The following KAZN variants were observed in gnomAD, a reference collection of about 807,000 sequenced individuals.
KAZN encodes kazrin, periplakin interacting protein.
In KAZN, 40 loss-of-function variants were observed where a neutral mutation model predicts 87.4. The observed-to-expected ratio is 0.46, with a 90% CI of 0.36 to 0.60. The LOEUF (loss-of-function observed/expected upper bound fraction) is 0.60. KAZN is among the 20% of genes least tolerant of loss of function. KAZN has a pLI of 0.00. For synonymous variants in KAZN, 466 were observed against 458.3 expected (o/e 1.02, Z -0.22); for missense variants, 898 against 1,073.9 (o/e 0.84, Z 2.29).
At chr1:14,975,283 C>T (rs1040572856) in intron 2 of KAZN, among the ~76,000 whole-genome samples, 4 of 152,312 alleles carry the variant, frequency 2.6e-5, no homozygotes, top group East Asian at 3.9e-4. Context: ...CTTGAGCTCC[C>T]GCCCAACTTT....
intron 2 of KAZN, among the ~76,000 whole-genome samples, chr1:14,364,777 T>C (rs1237054918): frequency 6.6e-6 from 1 of 152,188 alleles, no homozygotes; most frequent in Non-Finnish European, 1.5e-5. Context: ...TAGGGAAGAA[T>C]TGTTCCTTGT....
intron 2 of KAZN, among the ~76,000 whole-genome samples, chr1:14,447,183 C>G (rs1292018079): frequency 6.7e-6 from 1 of 149,964 alleles, no homozygotes; most frequent in East Asian, 1.9e-4. Context: ...TTCTAGTTCT[C>G]CCTTGGAACA....
chr1:14,837,861 C>A (rs986826492), intron 1 of KAZN, among the ~76,000 whole-genome samples: 1 of 152,112 alleles, frequency 6.6e-6, no homozygotes, highest in East Asian at 1.9e-4. Flanking sequence ...GGCTCATATT[C>A]TTTTGTGTGA....
At chr1:13,993,651 G>A (rs1570473953) in intron 1 of KAZN, among the ~76,000 whole-genome samples, 2 of 152,308 alleles carry the variant, frequency 1.3e-5, no homozygotes, top group East Asian at 3.9e-4. Context: ...CCTTCGTGGA[G>A]CTTTCCCTCT....
intron 1 of KAZN, among the ~76,000 whole-genome samples, chr1:13,972,352 C>T (rs74637018): frequency 0.013 from 2,018 of 149,756 alleles, 97 homozygotes; most frequent in Admixed American, 0.088. Context: ...TGGCTCATTG[C>T]AAGCTCTGCC....
intron 8 of KAZN, among the ~76,000 whole-genome samples, chr1:15,087,790 T>A (rs990418460): frequency 6.6e-6 from 1 of 152,228 alleles, no homozygotes; most frequent in South Asian, 2.1e-4. Flanking sequence ...GTAAGTGACA[T>A]GGGCCCGCAG....
At chr1:14,175,534 G>C (rs1646054566) in intron 1 of KAZN, among the ~76,000 whole-genome samples, 1 of 152,192 alleles carries the variant, frequency 6.6e-6, no homozygotes, top group Non-Finnish European at 1.5e-5. Flanking sequence ...GAAACTTAGG[G>C]CATGTTTTGG....
chr1:15,066,604 A>G lies in KAZN; in HGVS notation c.1222+851A>G, dbSNP rs769131741. The G allele has an allele frequency of 1.0e-6, 1 of 983,570 alleles. No homozygotes were observed. The highest frequency in any genetic ancestry group is 1.2e-6 in the Non-Finnish European group (1 of 828,192). The allele number at this position is 983,570 out of a possible 1,614,324, so 60.9% of individuals were successfully genotyped here. ...AAATTGTTTCATTTAATTTATTTGCACAAATGCTGAAAACTTATTCTATCT... is the reference window on the plus strand; with the variant it reads ...AAATTGTTTCATTTAATTTATTTGCGCAAATGCTGAAAACTTATTCTATCT... On this transcript the variant is annotated intron_variant, in intron 8 of 14. Transcript: ENST00000376030. This position sits in a 1 kb window ranked among gnomAD's most constrained non-coding sequence, Gnocchi z 4.3.
At chr1:14,241,130 A>C (rs1245366629) in intron 2 of KAZN, among the ~76,000 whole-genome samples, 2 of 152,218 alleles carry the variant, frequency 1.3e-5, no homozygotes, top group Non-Finnish European at 2.9e-5. Context: ...GGGTGAAACC[A>C]CACCTTTCTT....
intron 2 of KAZN, among the ~76,000 whole-genome samples, chr1:14,258,232 T>TC (rs1650716395): frequency 6.7e-6 from 1 of 149,724 alleles, no homozygotes; most frequent in South Asian, 2.1e-4. Flanking sequence ...TTTTTTTTTT[T>TC]TGAGACAGAG....
intron 1 of KAZN, among the ~76,000 whole-genome samples, chr1:14,610,679 G>T (rs973577685): frequency 1.3e-5 from 2 of 151,742 alleles, no homozygotes; most frequent in African/African-American, 4.8e-5. Flanking sequence ...CCCCTGTGGA[G>T]AATTTTTTTT....
chr1:14,167,114 A>G (rs994299592), intron 1 of KAZN, among the ~76,000 whole-genome samples: 9 of 152,392 alleles, frequency 5.9e-5, no homozygotes, highest in African/African-American at 1.9e-4. Flanking sequence ...TAACTGGGTT[A>G]GAGCCCATCT....
chr1:14,292,419 A>G (rs543144984), intron 2 of KAZN, among the ~76,000 whole-genome samples: 1 of 152,284 alleles, frequency 6.6e-6, no homozygotes, highest in South Asian at 2.1e-4. Flanking sequence ...GGACCCTTCC[A>G]AGGCTTTGGT....
chr1:14,747,432 A>G (rs910026268), intron 1 of KAZN, among the ~76,000 whole-genome samples: 4 of 152,070 alleles, frequency 2.6e-5, no homozygotes, highest in African/African-American at 9.7e-5. Context: ...ATGCACCACC[A>G]TGCCTGCCTA....
chr1:15,016,171 C>T (rs1254869513), intron 2 of KAZN, among the ~76,000 whole-genome samples: 1 of 152,186 alleles, frequency 6.6e-6, no homozygotes, highest in Non-Finnish European at 1.5e-5. Flanking sequence ...GACACATCTA[C>T]AGGCCGACGG....
chr1:14,178,469 A>G (rs1557540267), intron 1 of KAZN, among the ~76,000 whole-genome samples: 1 of 152,182 alleles, frequency 6.6e-6, no homozygotes, highest in Non-Finnish European at 1.5e-5. Context: ...TCTGCTATTA[A>G]TCTCATCCAA....
intron 2 of KAZN, among the ~76,000 whole-genome samples, chr1:14,224,510 A>G (rs1647196338): frequency 6.6e-6 from 1 of 152,216 alleles, no homozygotes; most frequent in Non-Finnish European, 1.5e-5. Flanking sequence ...CAGATGCCAG[A>G]GAAAACTTCA....
intron 2 of KAZN, among the ~76,000 whole-genome samples, chr1:14,336,554 T>C (rs1229206394): frequency 6.6e-6 from 1 of 152,246 alleles, no homozygotes; most frequent in Non-Finnish European, 1.5e-5. Flanking sequence ...TCACAGCAGC[T>C]GCACCATGTT....
chr1:15,003,211 C>T (rs77677615), intron 2 of KAZN, among the ~76,000 whole-genome samples: 4 of 152,106 alleles, frequency 2.6e-5, no homozygotes, highest in Non-Finnish European at 5.9e-5. Context: ...TGAGCACCCC[C>T]GCTAGAGCTT....
Sources: allele counts gnomAD v4.1 joint callset (sites outside exome capture counted in the v4.1 genomes callset), GRCh38; gene constraint gnomAD v4.1.1; non-coding constraint Gnocchi (gnomAD v3.1); transcripts MANE v1.5; gene names NCBI Gene and HGNC (gene_info 2026-07-23, HGNC 2026-07-21).